The following UNC13C variants were observed in gnomAD, a reference collection of about 807,000 sequenced individuals.
The protein encoded by UNC13C is protein unc-13 homolog C.
Under a neutral mutation model 245.4 loss-of-function variants are expected in UNC13C, and 174 were observed. The ratio of observed to expected loss-of-function variants is 0.71; its 90% CI spans 0.63 to 0.80. UNC13C has a LOEUF of 0.80. UNC13C is among the 30% of genes least tolerant of loss of function. The probability of loss-of-function intolerance (pLI) is 0.00; values close to 1 mark genes in which losing one functional copy is unlikely to be tolerated. For synonymous variants in UNC13C, 992 were observed against 895.1 expected (o/e 1.11, Z -1.93); for missense variants, 2,829 against 2,602.9 (o/e 1.09, Z -1.89).
chr15:54,175,021 T>C (rs116710623), intron 4 of UNC13C, among the ~76,000 whole-genome samples: 117 of 152,296 alleles, frequency 7.7e-4, no homozygotes, highest in African/African-American at 2.7e-3. Context: ...CGCCTAAGCA[T>C]GCTATCCCAG....
chr15:54,596,548 C>T (rs576519954), intron 30 of UNC13C, among the ~76,000 whole-genome samples: 11 of 152,268 alleles, frequency 7.2e-5, no homozygotes, highest in African/African-American at 2.4e-4. Flanking sequence ...CCACTAGGGT[C>T]AAATAAGACC....
At chr15:54,583,985 C>G (rs1192060540) in intron 30 of UNC13C, among the ~76,000 whole-genome samples, 1 of 152,188 alleles carries the variant, frequency 6.6e-6, no homozygotes, top group African/African-American at 2.4e-5. Flanking sequence ...CCCGTGGCCT[C>G]CAGACTTCCC....
chr15:54,474,124 G>T (rs1892603601), intron 19 of UNC13C, among the ~76,000 whole-genome samples: 1 of 151,958 alleles, frequency 6.6e-6, no homozygotes, highest in Admixed American at 6.6e-5. Context: ...ATAAACACGG[G>T]GGTGCAGGTA....
intron 4 of UNC13C, among the ~76,000 whole-genome samples, chr15:54,213,338 C>T (rs1021246753): frequency 6.6e-6 from 1 of 151,744 alleles, no homozygotes; most frequent in Non-Finnish European, 1.5e-5. Flanking sequence ...ATACTAAATA[C>T]TAGAGAGGAA....
the UNC13C span, among the ~76,000 whole-genome samples, chr15:53,933,548 A>G: frequency 1.3e-5 from 2 of 152,192 alleles, no homozygotes; most frequent in African/African-American, 4.8e-5. Context: ...ACGACTGGAT[A>G]CATTCCAAAG....
chr15:54,497,558 T>C (rs987123248), intron 20 of UNC13C, among the ~76,000 whole-genome samples: 1 of 151,982 alleles, frequency 6.6e-6, no homozygotes, highest in African/African-American at 2.4e-5. Context: ...GTGTTGAGAT[T>C]GGGGCAGAAG....
intron 19 of UNC13C, among the ~76,000 whole-genome samples, chr15:54,467,365 G>A (rs12592049): frequency 0.6 from 91,255 of 151,416 alleles, 27,731 homozygotes; most frequent in East Asian, 0.79. Context: ...AAACTTGAGT[G>A]TAACTAGAGG....
intron 4 of UNC13C, 110 bp from the exon 5 acceptor site, chr15:54,234,920 A>T: frequency 1.1e-6 from 1 of 907,076 alleles, no homozygotes; most frequent in Non-Finnish European, 1.7e-6. Flanking sequence ...TTTGAAAACT[A>T]TGGTATCCAG....
intron 17 of UNC13C, among the ~76,000 whole-genome samples, chr15:54,341,520 C>A (rs2038730839): frequency 6.6e-6 from 1 of 152,120 alleles, no homozygotes; most frequent in African/African-American, 2.4e-5. Context: ...ACCTCAGCAT[C>A]ACACAGTCTG....
chr15:54,612,225 A>T (rs1389256729), intron 30 of UNC13C, among the ~76,000 whole-genome samples: 2 of 152,010 alleles, frequency 1.3e-5, no homozygotes, highest in Admixed American at 1.3e-4. Context: ...TTTTCACAAA[A>T]TCTCTAGCAT....
At chr15:54,225,958 C>T (rs1459101129) in intron 4 of UNC13C, among the ~76,000 whole-genome samples, 1 of 151,978 alleles carries the variant, frequency 6.6e-6, no homozygotes. Context: ...ATAAATGGCT[C>T]TTATTATTTT....
At chr15:54,615,450 G>A (rs1416349183) in intron 30 of UNC13C, among the ~76,000 whole-genome samples, 1 of 151,904 alleles carries the variant, frequency 6.6e-6, no homozygotes, top group Non-Finnish European at 1.5e-5. Flanking sequence ...CCAAGAAGAA[G>A]ACATCCTGAT....
intron 19 of UNC13C, among the ~76,000 whole-genome samples, chr15:54,454,918 G>A (rs140140821): frequency 1.7e-4 from 8 of 47,276 alleles, no homozygotes; most frequent in African/African-American, 5.7e-4. Context: ...CACCCATCAC[G>A]TCAGTAGTAT....
At chr15:54,547,395 T>C (rs1039536651) in intron 27 of UNC13C, among the ~76,000 whole-genome samples, 1 of 152,152 alleles carries the variant, frequency 6.6e-6, no homozygotes, top group African/African-American at 2.4e-5. Flanking sequence ...AATTAGACAC[T>C]GGTCAAGTGG....
At chr15:53,888,638 G>C in the UNC13C span, among the ~76,000 whole-genome samples, 1 of 152,134 alleles carries the variant, frequency 6.6e-6, no homozygotes, top group Non-Finnish European at 1.5e-5. Context: ...CCTATGTCCT[G>C]AATGGCATTG....
At chr15:54,563,760 T>G (rs1366825758) in intron 29 of UNC13C, among the ~76,000 whole-genome samples, 2 of 152,012 alleles carry the variant, frequency 1.3e-5, no homozygotes, top group African/African-American at 4.8e-5. Flanking sequence ...ATTAAGATAT[T>G]TACTTCCATA....
intron 2 of UNC13C, among the ~76,000 whole-genome samples, chr15:54,016,675 T>C (rs559288132): frequency 6.6e-6 from 1 of 152,352 alleles, no homozygotes; most frequent in South Asian, 2.1e-4. Context: ...GATAGTTATA[T>C]GTAAATGTAA....
At chr15:54,112,585 A>C (rs973272127) in intron 2 of UNC13C, among the ~76,000 whole-genome samples, 4 of 152,218 alleles carry the variant, frequency 2.6e-5, no homozygotes, top group African/African-American at 7.2e-5. Flanking sequence ...GCCCCCAGGT[A>C]GTCTTTTACT....
intron 4 of UNC13C, among the ~76,000 whole-genome samples, chr15:54,219,004 G>A (rs1027412447): frequency 3.3e-5 from 5 of 151,940 alleles, no homozygotes; most frequent in Non-Finnish European, 7.4e-5. Context: ...AATCAATATC[G>A]TGAAAATGGC....
Sources: gnomAD v4.1 joint callset for allele counts (sites outside exome capture counted in the v4.1 genomes callset) on GRCh38, gnomAD v4.1.1 for gene constraint, MANE v1.5 for transcripts, NCBI Gene and HGNC (gene_info 2026-07-23, HGNC 2026-07-21) for gene names.